KCNQ1: variants seen among roughly 807,000 people sequenced by gnomAD.
The protein encoded by KCNQ1 is potassium voltage-gated channel subfamily Q member 1.
KCNQ1 carries 49 observed loss-of-function variants against 72.4 expected under a neutral mutation model. The ratio of observed to expected loss-of-function variants is 0.68; its 90% CI spans 0.54 to 0.86. The LOEUF is 0.86. Among genes scored for constraint, KCNQ1 ranks in the 40% least tolerant of loss-of-function variants. The pLI is 0.00. For synonymous variants in KCNQ1, 450 were observed against 412.6 expected, an observed-to-expected ratio of 1.09 and a Z score of -1.10; for missense variants, 790 against 945.1, an observed-to-expected ratio of 0.84 and a Z score of 2.15.
Position 2,564,046 on chromosome 11 carries a change from C to T in KCNQ1, c.478-6582C>T, listed in dbSNP as rs994915564. Among the ~76,000 whole-genome samples, 3 of 152,180 alleles carry T rather than the reference C, an allele frequency of 2.0e-5. No homozygotes were observed. The highest frequency in any genetic ancestry group is 2.9e-5 in the Non-Finnish European group (2 of 68,022). ...ACCCGCGGGAGCCCAGGTGAGCAAC[C>T]GCCACGGGCCAGGGCCCCTCGAGGC... On this transcript the variant is annotated intron_variant, in intron 2 of 15. Coordinates refer to ENST00000155840, the MANE Select transcript of KCNQ1 (RefSeq NM_000218.3). This position sits in a 1 kb window ranked among gnomAD's most constrained non-coding sequence, Gnocchi z 4.5.
At position 2,704,708 on chromosome 11, in the gene KCNQ1, TC is replaced by T. The variant is rs1201491302; in HGVS notation, c.1514+42628del. Among the ~76,000 whole-genome samples the T allele has an allele frequency of 6.6e-6, 1 of 152,050 alleles. No homozygotes were observed. The highest frequency in any genetic ancestry group is 2.4e-5 in the African/African-American group (1 of 41,388). ...ATGGGAGGGTTGGAGAAAGCGAGCATCTGTGGAGGTGTGAGAAGTGCCAGGC... is the reference window on the plus strand; with the variant it reads ...ATGGGAGGGTTGGAGAAAGCGAGCATTGTGGAGGTGTGAGAAGTGCCAGGC... On this transcript the variant is annotated intron_variant, in intron 11 of 15. Transcript: ENST00000155840. The surrounding 1 kb of genome is among the most constrained non-coding windows in gnomAD (Gnocchi z 4.3).
In KCNQ1 at chr11:2,652,725, C is replaced by G; in HGVS notation, c.1394-9236C>G. ...TCTTTCCGTTTCCTGGGCTCACTCACGCTCAGGGTTGACCCTGTCCTGGCT... is the reference window on the plus strand; with the variant it reads ...TCTTTCCGTTTCCTGGGCTCACTCAGGCTCAGGGTTGACCCTGTCCTGGCT... On this transcript the variant is annotated intron_variant, in intron 10 of 15. Transcript: ENST00000155840. The surrounding 1 kb of genome is among the most constrained non-coding windows in gnomAD (Gnocchi z 5.9). The G allele has an allele frequency of 2.5e-6, 1 of 398,912 alleles. No individual in the cohort carries two copies. Among genetic ancestry groups the G allele is most frequent in the Non-Finnish European group, 4.4e-6 (1 of 226,324 alleles). 24.7% of individuals were successfully genotyped at this position (398,912 alleles called of 1,614,324 possible).
At position 2,664,303 on chromosome 11, in the gene KCNQ1, T is replaced by C. The variant is rs546613104; in HGVS notation, c.1514+2222T>C. On this transcript the variant is annotated intron_variant, in intron 11 of 15. Coordinates refer to ENST00000155840, the MANE Select transcript of KCNQ1 (RefSeq NM_000218.3). This position sits in a 1 kb window ranked among gnomAD's most constrained non-coding sequence, Gnocchi z 5.1. ...AAAGGGGCCACCTTGAGGCATTGTG[T>C]TCTGGTCAGGGAAGACTCAGGGCTG... The C allele has an allele frequency of 2.5e-6, 1 of 399,074 alleles. No homozygotes were observed. Among genetic ancestry groups the C allele is most frequent in the East Asian group, 3.6e-5 (1 of 28,088 alleles). 24.7% of individuals were successfully genotyped at this position (399,074 alleles called of 1,614,324 possible).
Position 2,588,415 on chromosome 11 carries a change from C to T in KCNQ1, c.1252-298C>T, listed in dbSNP as rs1028637379. 6.6e-6 allele frequency among the ~76,000 whole-genome samples: 1 copy of T among 152,196 alleles called. No homozygotes were observed. The highest frequency in any genetic ancestry group is 1.5e-5 in the Non-Finnish European group (1 of 68,032). ...GATATGCATTCTCCCCTACTGGTCA[C>T]AGCCCCTGTTACCACCTCCACTGGC... On this transcript the variant is annotated intron_variant, in intron 9 of 15. Coordinates refer to ENST00000155840, the MANE Select transcript of KCNQ1 (RefSeq NM_000218.3). This position sits in a 1 kb window ranked among gnomAD's most constrained non-coding sequence, Gnocchi z 5.6.
chr11:2,628,704 G>A (rs2133813235), intron 10 of KCNQ1: 1 of 398,300 alleles, frequency 2.5e-6, no homozygotes, highest in Non-Finnish European at 4.4e-6. Context: ...CTAAAAAATT[G>A]TCACAAAAAC....
Position 2,475,672 on chromosome 11 carries a change from G to C in KCNQ1, c.386+30188G>C, listed in dbSNP as rs1846558980. Among the ~76,000 whole-genome samples the C allele has an allele frequency of 6.6e-6, 1 of 152,184 alleles. No homozygotes were observed. Among genetic ancestry groups the C allele is most frequent in the South Asian group, 2.1e-4 (1 of 4,834 alleles). ...CAGTGACGTGGTTTGTCACTGCCCG[G>C]ATCTCATCTTGAATTCCCTGTGTTG... On this transcript the variant is annotated intron_variant, in intron 1 of 15. Coordinates refer to ENST00000155840, the MANE Select transcript of KCNQ1 (RefSeq NM_000218.3). This position sits in a 1 kb window ranked among gnomAD's most constrained non-coding sequence, Gnocchi z 5.8.
intron 10 of KCNQ1, among the ~76,000 whole-genome samples, chr11:2,604,186 T>A (rs1044170518): frequency 2.0e-5 from 3 of 151,940 alleles, no homozygotes; most frequent in Admixed American, 6.6e-5. Flanking sequence ...ATGAAAGAGA[T>A]ATGAAAGGCT....
chr11:2,625,005 T>C (rs985124340), intron 10 of KCNQ1: 3 of 398,508 alleles, frequency 7.5e-6, no homozygotes, highest in African/African-American at 4.1e-5. Context: ...TTGGGTTGCA[T>C]TGATGTTTTA....
Position 2,828,453 on chromosome 11 carries a change from G to C in KCNQ1, c.1795-19314G>C, listed in dbSNP as rs372747671. On this transcript the variant is annotated intron_variant, in intron 15 of 15. Coordinates refer to ENST00000155840, the MANE Select transcript of KCNQ1 (RefSeq NM_000218.3). The surrounding 1 kb of genome is among the most constrained non-coding windows in gnomAD (Gnocchi z 5.3). Reference sequence around the variant, plus strand: ...GGAGACCAAAAATATGTTGACAAAGGTTTGGAAGCTGGGAAGCAGGAGGAC... The same window carrying C: ...GGAGACCAAAAATATGTTGACAAAGCTTTGGAAGCTGGGAAGCAGGAGGAC... Among the ~76,000 whole-genome samples, 1 of 152,344 alleles carries C rather than the reference G, an allele frequency of 6.6e-6. No homozygotes were observed. The highest frequency in any genetic ancestry group is 3.4e-3 in the Middle Eastern group (1 of 294).
intron 11 of KCNQ1, among the ~76,000 whole-genome samples, chr11:2,718,129 T>C (rs1851127630): frequency 1.3e-5 from 2 of 152,214 alleles, no homozygotes; most frequent in Non-Finnish European, 2.9e-5. Context: ...TTAAACACTT[T>C]GAGGCCCTCC....
Position 2,626,843 on chromosome 11 carries a change from A to C in KCNQ1, c.1394-35118A>C. 1 of 398,580 alleles carries C rather than the reference A, an allele frequency of 2.5e-6. No homozygotes were observed. Among genetic ancestry groups the C allele is most frequent in the Non-Finnish European group, 4.4e-6 (1 of 226,048 alleles). The allele number at this position is 398,580 out of a possible 1,614,324, so 24.7% of individuals were successfully genotyped here. A position where few individuals can be genotyped will look rare whatever the true frequency, so the allele number is the denominator to read the frequency against. ...GTACCTGGCCTGTAGTAAGTTTTCA[A>C]ATCAGAAAGTGTGAGTCCTCCAATG... On this transcript the variant is annotated intron_variant, in intron 10 of 15. Coordinates refer to ENST00000155840, the MANE Select transcript of KCNQ1 (RefSeq NM_000218.3). The surrounding 1 kb of genome is among the most constrained non-coding windows in gnomAD (Gnocchi z 4.0).
At position 2,828,586 on chromosome 11, in the gene KCNQ1, C is replaced by G. The variant is rs1401885642; in HGVS notation, c.1795-19181C>G. Among the ~76,000 whole-genome samples, 2 of 151,934 alleles carry G rather than the reference C, an allele frequency of 1.3e-5. No individual in the cohort carries two copies. Among genetic ancestry groups the G allele is most frequent in the Admixed American group, 1.3e-4 (2 of 15,256 alleles). The stretch of plus-strand genomic sequence containing the variant: ...CAACCCAGGACCCTGACAGGCAGGT[C>G]TCACCCCAGCCCATGAAGCCAGATG... On this transcript the variant is annotated intron_variant, in intron 15 of 15. Transcript: ENST00000155840. This position sits in a 1 kb window ranked among gnomAD's most constrained non-coding sequence, Gnocchi z 5.3.
In KCNQ1 at chr11:2,544,244, G is replaced by A. The variant is rs1397228396; in HGVS notation, c.477+16226G>A. Among the ~76,000 whole-genome samples the A allele has an allele frequency of 6.9e-6, 1 of 145,896 alleles. No individual in the cohort carries two copies. Among genetic ancestry groups the A allele is most frequent in the African/African-American group, 2.6e-5 (1 of 37,882 alleles). ...CTATCTCATATATATATATGTGTGT[G>A]TGTGTATATATATATGTGTGTGTGT... On this transcript the variant is annotated intron_variant, in intron 2 of 15. Coordinates refer to ENST00000155840, the MANE Select transcript of KCNQ1 (RefSeq NM_000218.3). This position sits in a 1 kb window ranked among gnomAD's most constrained non-coding sequence, Gnocchi z 4.4.
chr11:2,609,929 G>A (rs1306760214), intron 10 of KCNQ1: 1 of 397,784 alleles, frequency 2.5e-6, no homozygotes, highest in Non-Finnish European at 4.4e-6. Context: ...TCATATAGAT[G>A]GAATACAGAT....
At chr11:2,650,823 CTTACTGA>C (rs1269581135) in intron 10 of KCNQ1, 2 of 398,500 alleles carry the variant, frequency 5.0e-6, no homozygotes, top group African/African-American at 4.1e-5. Context: ...TTTATTTGCA[CTTACTGA>C]TTTTATGCTT....
chr11:2,747,735 C>T (rs980879416), intron 11 of KCNQ1, among the ~76,000 whole-genome samples: 10 of 152,112 alleles, frequency 6.6e-5, no homozygotes, highest in African/African-American at 1.9e-4. Context: ...AAGAGAATGC[C>T]GGGAAAGGGA....
At chr11:2,576,834 G>T (rs1589961157) in intron 6 of KCNQ1, among the ~76,000 whole-genome samples, 1 of 152,228 alleles carries the variant, frequency 6.6e-6, no homozygotes, top group African/African-American at 2.4e-5. Flanking sequence ...AGGCGCCGTG[G>T]GCCGAGGGGC....
rs571416591 is a variant in KCNQ1, at chr11:2,798,391, G to A, written c.1794+20354G>A. 5.9e-5 allele frequency among the ~76,000 whole-genome samples: 9 copies of A among 152,220 alleles called. No homozygotes were observed. The South Asian group carries it at 6.2e-4, about 11-fold the overall frequency. ...AGAACTCACCTGCCCATGGTCATCT[G>A]AGCCGTTCCCACAAAAGCCTTCCTT... is the stretch of plus-strand genomic sequence containing the variant. On this transcript the variant is annotated intron_variant, in intron 15 of 15. Coordinates refer to ENST00000155840, the MANE Select transcript of KCNQ1 (RefSeq NM_000218.3).
chr11:2,675,898 G>C, intron 11 of KCNQ1: 1 of 398,638 alleles, frequency 2.5e-6, no homozygotes, highest in Non-Finnish European at 4.4e-6. Flanking sequence ...TGTATTCAAG[G>C]GTTGTGCTAC....
Sources: gnomAD v4.1 joint callset for allele counts (sites outside exome capture counted in the v4.1 genomes callset) on GRCh38, gnomAD v4.1.1 for gene constraint, Gnocchi (gnomAD v3.1) non-coding constraint, MANE v1.5 for transcripts, NCBI Gene and HGNC (gene_info 2026-07-23, HGNC 2026-07-21) for gene names.